CPLX2: variants seen among roughly 807,000 people sequenced by gnomAD.
The protein encoded by CPLX2 is complexin-2.
Under a neutral mutation model 16.3 loss-of-function variants are expected in CPLX2, and 5 were observed. The observed-to-expected ratio is 0.31, with a 90% CI of 0.16 to 0.64. CPLX2 has a LOEUF of 0.64. Ranked by LOEUF, CPLX2 falls within the 30% of genes least tolerant of loss-of-function variation. The pLI is 0.79. For synonymous variants in CPLX2, 89 were observed against 73.2 expected (o/e 1.22, Z -1.10); for missense variants, 144 against 181.4 (o/e 0.79, Z 1.18).
chr5:175,825,367 C>T (rs1028953215), intron 2 of CPLX2, among the ~76,000 whole-genome samples: 12 of 149,672 alleles, frequency 8.0e-5, no homozygotes, highest in African/African-American at 1.2e-4. Context: ...TCCAGCCTGG[C>T]GACAGAGCGA....
intron 2 of CPLX2, among the ~76,000 whole-genome samples, chr5:175,826,948 G>A (rs563357974): frequency 4.6e-5 from 7 of 152,294 alleles, no homozygotes; most frequent in Admixed American, 2.0e-4. Flanking sequence ...GTTGGATCAC[G>A]CAGCTCGAAT....
At chr5:175,819,389 T>C (rs888960716) in intron 2 of CPLX2, among the ~76,000 whole-genome samples, 4 of 152,212 alleles carry the variant, frequency 2.6e-5, no homozygotes, top group African/African-American at 9.6e-5. Context: ...TTTCAGGAGC[T>C]CCAAACCCTC....
At chr5:175,814,444 C>T (rs1175922336) in intron 2 of CPLX2, among the ~76,000 whole-genome samples, 1 of 152,166 alleles carries the variant, frequency 6.6e-6, no homozygotes, top group East Asian at 1.9e-4. Flanking sequence ...AGAAGGGGGT[C>T]TTAATTAGAG....
Position 175,880,372 on chromosome 5 carries a change from C to A in CPLX2, c.*327C>A, listed in dbSNP as rs542622221. The A allele has an allele frequency of 6.4e-4, 256 of 402,006 alleles. 1 individual carries two copies. Among genetic ancestry groups the A allele is most frequent in the Non-Finnish European group, 9.2e-4 (193 of 210,508 alleles). 24.9% of individuals were successfully genotyped at this position (402,006 alleles called of 1,614,324 possible). On this transcript the variant is annotated 3_prime_UTR_variant, in exon 4 of 4. Transcript: ENST00000393745. ...TCCCTGCTCCCCACTGCCAGGAGGA[C>A]CACTGTCCCCAGCCAGCCAAAGTAA...
At chr5:175,800,811 G>T (rs1282646627) in intron 1 of CPLX2, among the ~76,000 whole-genome samples, 1 of 152,202 alleles carries the variant, frequency 6.6e-6, no homozygotes, top group African/African-American at 2.4e-5. Flanking sequence ...CCCACAGTAG[G>T]CACAGTCATT....
chr5:175,833,236 T>C (rs1295634282), intron 2 of CPLX2, among the ~76,000 whole-genome samples: 1 of 152,038 alleles, frequency 6.6e-6, no homozygotes, highest in African/African-American at 2.4e-5. Flanking sequence ...AGCTTTGGGA[T>C]TTTTTGAAAT....
intron 3 of CPLX2, 44 bp downstream of exon 3, chr5:175,879,127 G>A (rs1218531923): frequency 1.3e-6 from 2 of 1,528,070 alleles, no homozygotes; most frequent in Non-Finnish European, 8.8e-7. Flanking sequence ...GCCACAAGCG[G>A]GTAAAACCGG....
chr5:175,824,658 C>G (rs186147646), intron 2 of CPLX2, among the ~76,000 whole-genome samples: 281 of 152,350 alleles, frequency 1.8e-3, no homozygotes, highest in Middle Eastern at 6.8e-3. Context: ...GAGCCAGCAC[C>G]TTCATTGTGC....
intron 1 of CPLX2, among the ~76,000 whole-genome samples, chr5:175,798,799 C>G (rs1046435929): frequency 6.6e-6 from 1 of 152,190 alleles, no homozygotes; most frequent in Non-Finnish European, 1.5e-5. Flanking sequence ...CCCACACCCA[C>G]TCTCATCACA....
chr5:175,843,442 T>C (rs370699526), intron 2 of CPLX2, among the ~76,000 whole-genome samples: 34 of 146,362 alleles, frequency 2.3e-4, no homozygotes, highest in African/African-American at 8.9e-4. Flanking sequence ...CAGGCACACA[T>C]GTGTGCATGC....
At chr5:175,818,220 A>AGAACG (rs1758443399) in intron 2 of CPLX2, among the ~76,000 whole-genome samples, 1 of 152,174 alleles carries the variant, frequency 6.6e-6, no homozygotes, top group Non-Finnish European at 1.5e-5. Context: ...GGAGGCAAAC[A>AGAACG]GAAAGTCGGG....
intron 2 of CPLX2, among the ~76,000 whole-genome samples, chr5:175,811,210 C>A (rs901024180): frequency 6.6e-6 from 1 of 152,174 alleles, no homozygotes; most frequent in African/African-American, 2.4e-5. Context: ...CTGGAGGAGC[C>A]AGCTGACTCT....
rs554954382 is a variant in CPLX2, at chr5:175,809,370, A to G, written c.-89+302A>G. 1.3e-5 allele frequency: 2 copies of G among 152,388 alleles called. No individual in the cohort carries two copies. Among genetic ancestry groups the G allele is most frequent in the East Asian group, 3.9e-4 (2 of 5,194 alleles). The allele number at this position is 152,388 out of a possible 1,614,324, so 9.4% of individuals were successfully genotyped here. A position where few individuals can be genotyped will look rare whatever the true frequency, so the allele number is the denominator to read the frequency against. On this transcript the variant is annotated intron_variant, in intron 2 of 4. Coordinates refer to the CPLX2 transcript ENST00000359546. This position sits in a 1 kb window ranked among gnomAD's most constrained non-coding sequence, Gnocchi z 4.4. ...AAACTGAAGCTCAGAGAGTGAAAGG[A>G]CTTGCCTAAAGACACACAGCTGGTA...
chr5:175,805,136 A>G (rs942373753), intron 1 of CPLX2, among the ~76,000 whole-genome samples: 3 of 152,248 alleles, frequency 2.0e-5, no homozygotes, highest in Admixed American at 1.3e-4. Context: ...TCAATAGAGC[A>G]TAGACCATGT....
At chr5:175,829,582 T>C (rs1475158519) in intron 2 of CPLX2, among the ~76,000 whole-genome samples, 3 of 152,186 alleles carry the variant, frequency 2.0e-5, no homozygotes, top group African/African-American at 7.2e-5. Context: ...GCTTCCTACC[T>C]AAGGATTCCA....
At chr5:175,834,476 A>G (rs1477424031) in intron 2 of CPLX2, among the ~76,000 whole-genome samples, 1 of 152,188 alleles carries the variant, frequency 6.6e-6, no homozygotes, top group African/African-American at 2.4e-5. Flanking sequence ...ACAGACATGG[A>G]CAACTTCAAC....
chr5:175,870,489 G>A (rs1759566515), upstream of CPLX2, among the ~76,000 whole-genome samples: 1 of 152,208 alleles, frequency 6.6e-6, no homozygotes, highest in Admixed American at 6.5e-5. Context: ...TGAAACTCCT[G>A]CAGATCTTTC....
At chr5:175,847,028 G>A (rs1759055060) in intron 2 of CPLX2, among the ~76,000 whole-genome samples, 1 of 152,180 alleles carries the variant, frequency 6.6e-6, no homozygotes, top group African/African-American at 2.4e-5. Context: ...AGGAGGCGTT[G>A]AGATGAATCA....
At chr5:175,841,828 C>A (rs1419382047) in intron 2 of CPLX2, among the ~76,000 whole-genome samples, 1 of 152,208 alleles carries the variant, frequency 6.6e-6, no homozygotes, top group Non-Finnish European at 1.5e-5. Flanking sequence ...TTTCTATAAG[C>A]CTCAAATTTC....
Sources: allele counts gnomAD v4.1 joint callset (sites outside exome capture counted in the v4.1 genomes callset), GRCh38; gene constraint gnomAD v4.1.1; non-coding constraint Gnocchi (gnomAD v3.1); transcripts MANE v1.5; gene names NCBI Gene and HGNC (gene_info 2026-07-23, HGNC 2026-07-21).